The following CSMD1 variants were observed in gnomAD, a reference collection of about 807,000 sequenced individuals.
The protein encoded by CSMD1 is CUB and sushi domain-containing protein 1.
A neutral mutation model predicts 417.5 loss-of-function variants in CSMD1; 213 were observed. The observed-to-expected ratio is 0.51, with a 90% confidence interval of 0.46 to 0.57. The LOEUF is 0.57. CSMD1 is among the 20% of genes least tolerant of loss of function. The probability of loss-of-function intolerance (pLI) is 0.00; values close to 1 mark genes in which losing one functional copy is unlikely to be tolerated. For synonymous variants in CSMD1, 2,862 were observed against 1,736.8 expected, an observed-to-expected ratio of 1.65 and a Z score of -16.11; for missense variants, 6,923 against 4,529.7, an observed-to-expected ratio of 1.53 and a Z score of -15.17.
At chr8:4,765,650 T>A (rs1812414106) in intron 1 of CSMD1, among the ~76,000 whole-genome samples, 2 of 152,190 alleles carry the variant, frequency 1.3e-5, no homozygotes, top group African/African-American at 4.8e-5. Flanking sequence ...ACTAAAGATA[T>A]ATCCAAGCAA....
intron 25 of CSMD1, 180 bp from the exon 26 acceptor site, chr8:3,284,526 G>A: frequency 1.7e-6 from 1 of 603,944 alleles, no homozygotes; most frequent in East Asian, 2.8e-5. Context: ...ATTCAGGAGT[G>A]TAAATTAGGA....
At chr8:4,593,649 G>C (rs1800106520) in intron 2 of CSMD1, among the ~76,000 whole-genome samples, 2 of 152,142 alleles carry the variant, frequency 1.3e-5, no homozygotes, top group African/African-American at 2.4e-5. Context: ...TTAAAGCTCT[G>C]AAAAGACCTT....
chr8:2,975,903 C>T (rs1804872531), intron 55 of CSMD1, among the ~76,000 whole-genome samples: 1 of 152,130 alleles, frequency 6.6e-6, no homozygotes, highest in Admixed American at 6.5e-5. Flanking sequence ...ACTTGAGGAA[C>T]ATCAGCATCA....
intron 1 of CSMD1, among the ~76,000 whole-genome samples, chr8:4,682,983 T>C (rs892743340): frequency 5.0e-5 from 7 of 140,714 alleles, no homozygotes; most frequent in East Asian, 2.0e-4. Context: ...TATATATATA[T>C]ATATATATAT....
At chr8:3,394,288 A>G (rs1244235846) in intron 17 of CSMD1, among the ~76,000 whole-genome samples, 1 of 147,874 alleles carries the variant, frequency 6.8e-6, no homozygotes, top group African/African-American at 2.5e-5. Context: ...TATAATAATA[A>G]AATATTATTA....
At chr8:3,372,028 G>C (rs941002794) in intron 18 of CSMD1, among the ~76,000 whole-genome samples, 7 of 152,230 alleles carry the variant, frequency 4.6e-5, no homozygotes, top group Non-Finnish European at 5.9e-5. Context: ...AATTCCAGTT[G>C]GAAAAGACAG....
chr8:4,339,484 C>G (rs980811960), intron 3 of CSMD1, among the ~76,000 whole-genome samples: 2 of 152,056 alleles, frequency 1.3e-5, no homozygotes, highest in Non-Finnish European at 2.9e-5. Context: ...GATACTGGAG[C>G]TGAGTGACAA....
chr8:4,134,531 G>A (rs577017459), intron 3 of CSMD1, among the ~76,000 whole-genome samples: 179 of 152,290 alleles, frequency 1.2e-3, no homozygotes, highest in African/African-American at 4.0e-3. Context: ...GATAACTCTT[G>A]TTGTTTAAGC....
intron 61 of CSMD1, among the ~76,000 whole-genome samples, chr8:2,962,059 T>C (rs931816425): frequency 2.0e-5 from 3 of 152,314 alleles, no homozygotes; most frequent in South Asian, 4.1e-4. Flanking sequence ...TAAATCTCAA[T>C]GAACAAAATT....
intron 33 of CSMD1, among the ~76,000 whole-genome samples, chr8:3,190,466 A>T (rs541851113): frequency 6.6e-6 from 1 of 152,220 alleles, no homozygotes; most frequent in Non-Finnish European, 1.5e-5. Context: ...AGGCGATTAC[A>T]TTTAATCATC....
chr8:3,116,599 A>G (rs1379140574), intron 42 of CSMD1, among the ~76,000 whole-genome samples: 1 of 152,242 alleles, frequency 6.6e-6, no homozygotes, highest in Non-Finnish European at 1.5e-5. Context: ...TGTTAGAATT[A>G]GGAAAGGTGG....
intron 3 of CSMD1, among the ~76,000 whole-genome samples, chr8:4,317,042 C>T (rs1798976052): frequency 6.6e-6 from 1 of 152,138 alleles, no homozygotes; most frequent in Non-Finnish European, 1.5e-5. Context: ...GTAAACGGCA[C>T]TGAAAACATA....
At chr8:3,335,490 C>T (rs1168701934) in intron 23 of CSMD1, among the ~76,000 whole-genome samples, 1 of 152,136 alleles carries the variant, frequency 6.6e-6, no homozygotes, top group Non-Finnish European at 1.5e-5. Context: ...CCAGCCTGAC[C>T]AACATAGAGA....
intron 2 of CSMD1, among the ~76,000 whole-genome samples, chr8:4,630,778 G>A (rs1229527600): frequency 2.6e-5 from 4 of 152,106 alleles, no homozygotes; most frequent in Admixed American, 6.5e-5. Flanking sequence ...GGGTTTCTGT[G>A]ATGTGTCATC....
chr8:3,455,788 T>C (rs1297112932), intron 12 of CSMD1, among the ~76,000 whole-genome samples: 1 of 152,248 alleles, frequency 6.6e-6, no homozygotes, highest in Admixed American at 6.5e-5. Flanking sequence ...AGTCTGTCTG[T>C]TCTCAGATCT....
At chr8:3,444,331 A>G (rs1356405125) in intron 12 of CSMD1, among the ~76,000 whole-genome samples, 4 of 152,220 alleles carry the variant, frequency 2.6e-5, no homozygotes, top group African/African-American at 9.7e-5. Context: ...AGAACACACT[A>G]AAAGGCAAAA....
intron 2 of CSMD1, among the ~76,000 whole-genome samples, chr8:4,453,869 T>G (rs1377538522): frequency 1.6e-5 from 2 of 126,196 alleles, no homozygotes; most frequent in African/African-American, 6.0e-5. Flanking sequence ...TCACCCACGC[T>G]GGAGTGCACT....
At chr8:4,182,045 G>T (rs199597476) in intron 3 of CSMD1, among the ~76,000 whole-genome samples, 925 of 53,194 alleles carry the variant, frequency 0.017, 17 homozygotes, top group African/African-American at 0.045. Context: ...TGTGTGTGTC[G>T]GTGTGTGTGT....
At position 4,669,757 on chromosome 8, in the gene CSMD1, G is replaced by C. The variant is rs140286589; in HGVS notation, c.86-32199C>G. 3.0e-3 allele frequency among the ~76,000 whole-genome samples: 457 copies of C among 152,178 alleles called. 3 individuals carry two copies. The highest frequency in any genetic ancestry group is 0.011 in the African/African-American group (437 of 41,512). On this transcript the variant is annotated intron_variant, in intron 1 of 69. Transcript: ENST00000635120. Reference sequence around the variant, plus strand: ...AGTTTTATTCACCTTCTTAGGGTCAGAGGTAGGGGGTACTGCAAATATTTT... The same window carrying C: ...AGTTTTATTCACCTTCTTAGGGTCACAGGTAGGGGGTACTGCAAATATTTT...
Sources: allele counts gnomAD v4.1 joint callset (sites outside exome capture counted in the v4.1 genomes callset), GRCh38; gene constraint gnomAD v4.1.1; transcripts MANE v1.5; gene names NCBI Gene and HGNC (gene_info 2026-07-23, HGNC 2026-07-21).